Variants in SGCD observed in about 807,000 individuals in gnomAD.
SGCD encodes the protein sarcoglycan delta, also known as delta-sarcoglycan.
A neutral mutation model predicts 36.6 loss-of-function variants in SGCD; 18 were observed. The observed-to-expected ratio is 0.49, with a 90% CI of 0.34 to 0.73. The LOEUF (loss-of-function observed/expected upper bound fraction) is 0.73, where lower values mean the gene tolerates loss of function less well. Among genes scored for constraint, SGCD ranks in the 30% least tolerant of loss-of-function variants. SGCD has a pLI of 0.01. For missense variants in SGCD, 387 were observed against 346.7 expected (o/e 1.12, Z -0.92); for synonymous variants, 133 against 130.6 (o/e 1.02, Z -0.12).
At chr5:156,068,061 C>G (rs1760388220) in intron 1 of SGCD, among the ~76,000 whole-genome samples, 1 of 151,842 alleles carries the variant, frequency 6.6e-6, no homozygotes, top group South Asian at 2.1e-4. Flanking sequence ...ACCTTCCTCT[C>G]TACCTGCAGT....
At chr5:156,138,465 G>A (rs967237522) in intron 3 of SGCD, among the ~76,000 whole-genome samples, 4 of 152,146 alleles carry the variant, frequency 2.6e-5, no homozygotes, top group African/African-American at 9.7e-5. Context: ...ATATTCTATT[G>A]TTTCTGGCTT....
intron 3 of SGCD, among the ~76,000 whole-genome samples, chr5:156,482,287 A>G (rs897477650): frequency 1.1e-4 from 16 of 152,144 alleles, no homozygotes; most frequent in East Asian, 1.9e-4. Context: ...AACTGCTAAC[A>G]TATAGAAGAT....
chr5:156,121,196 A>G (rs796217346), intron 2 of SGCD, among the ~76,000 whole-genome samples: 3 of 152,272 alleles, frequency 2.0e-5, no homozygotes, highest in African/African-American at 7.2e-5. Flanking sequence ...AGGTAGATAC[A>G]TTTATGAAAT....
At chr5:156,407,000 C>A (rs1415936532) in intron 3 of SGCD, among the ~76,000 whole-genome samples, 1 of 151,678 alleles carries the variant, frequency 6.6e-6, no homozygotes, top group Non-Finnish European at 1.5e-5. Context: ...AAGCATCCAG[C>A]ACGAGAGAAA....
chr5:156,092,927 G>A, intron 1 of SGCD, among the ~76,000 whole-genome samples: 1 of 152,224 alleles, frequency 6.6e-6, no homozygotes, highest in East Asian at 1.9e-4. Flanking sequence ...CTTCTGTTGT[G>A]TTAAGAACTG....
chr5:156,044,447 G>A (rs1459140475), intron 1 of SGCD, among the ~76,000 whole-genome samples: 1 of 152,186 alleles, frequency 6.6e-6, no homozygotes, highest in African/African-American at 2.4e-5. Flanking sequence ...ATTTGAATTA[G>A]TTGGATTGAA....
chr5:156,076,051 G>A (rs1185982953), intron 1 of SGCD, among the ~76,000 whole-genome samples: 1 of 151,800 alleles, frequency 6.6e-6, no homozygotes, highest in Non-Finnish European at 1.5e-5. Context: ...ACTTATTTTG[G>A]ATTTGGGTCT....
chr5:156,460,449 G>T (rs551988702), intron 3 of SGCD, among the ~76,000 whole-genome samples: 1 of 152,270 alleles, frequency 6.6e-6, no homozygotes, highest in African/African-American at 2.4e-5. Flanking sequence ...CACTGCAATA[G>T]AATTCATAAA....
intron 1 of SGCD, among the ~76,000 whole-genome samples, chr5:156,056,555 A>G (rs1258779222): frequency 1.4e-5 from 2 of 142,712 alleles, no homozygotes; most frequent in African/African-American, 5.0e-5. Flanking sequence ...GAAGACAGCA[A>G]GAAGAACACA....
chr5:156,244,950 A>T (rs1765404906), intron 3 of SGCD, among the ~76,000 whole-genome samples: 2 of 152,256 alleles, frequency 1.3e-5, no homozygotes, highest in Admixed American at 1.3e-4. Flanking sequence ...ACATCATATC[A>T]TTGGTAAACA....
chr5:156,091,829 G>T (rs921970818), intron 1 of SGCD, among the ~76,000 whole-genome samples: 1 of 152,228 alleles, frequency 6.6e-6, no homozygotes, highest in African/African-American at 2.4e-5. Flanking sequence ...GTGACCAATT[G>T]TCCCAGGCTA....
intron 1 of SGCD, among the ~76,000 whole-genome samples, chr5:155,915,556 A>G (rs1756718130): frequency 6.6e-6 from 1 of 152,214 alleles, no homozygotes; most frequent in East Asian, 1.9e-4. Context: ...AAATGTCTAC[A>G]AAACATAGCA....
chr5:156,332,490 ATT>A (rs1768117314), intron 2 of SGCD, among the ~76,000 whole-genome samples: 1 of 152,056 alleles, frequency 6.6e-6, no homozygotes, highest in Non-Finnish European at 1.5e-5. Flanking sequence ...TGTCTGCTCT[ATT>A]TTTCTAGAGT....
the SGCD span, among the ~76,000 whole-genome samples, chr5:155,766,607 T>C: frequency 2.6e-5 from 4 of 152,152 alleles, no homozygotes; most frequent in Admixed American, 2.0e-4. Flanking sequence ...GTAGAGCTAA[T>C]AAAAAATAAA....
chr5:156,189,768 A>G (rs1055973159), intron 3 of SGCD, among the ~76,000 whole-genome samples: 3 of 152,190 alleles, frequency 2.0e-5, no homozygotes, highest in African/African-American at 7.2e-5. Flanking sequence ...TACAAACAGA[A>G]GAACATATCA....
At chr5:156,686,070 C>T (rs1753893966) in intron 7 of SGCD, among the ~76,000 whole-genome samples, 1 of 152,122 alleles carries the variant, frequency 6.6e-6, no homozygotes, top group African/African-American at 2.4e-5. Flanking sequence ...TTTACTCTTC[C>T]ATGAATTACT....
intron 1 of SGCD, among the ~76,000 whole-genome samples, chr5:155,921,793 A>G (rs1412034307): frequency 6.6e-6 from 1 of 152,198 alleles, no homozygotes; most frequent in African/African-American, 2.4e-5. Context: ...TGACACATAG[A>G]AACCCTCTCT....
intron 1 of SGCD, among the ~76,000 whole-genome samples, chr5:155,982,270 A>G (rs891808585): frequency 1.3e-5 from 2 of 152,196 alleles, no homozygotes; most frequent in African/African-American, 4.8e-5. Flanking sequence ...CTTTTCCCTG[A>G]TAAGTATTGC....
Position 156,391,000 on chromosome 5 carries a change from T to G in SGCD, c.192+46323T>G, listed in dbSNP as rs773733882. Among the ~76,000 whole-genome samples, 11 of 152,224 alleles carry G rather than the reference T, an allele frequency of 7.2e-5. No individual in the cohort carries two copies. In the South Asian group the frequency reaches 1.4e-3, roughly 20 times the overall value. On this transcript the variant is annotated intron_variant, in intron 3 of 8. Transcript: ENST00000337851. The stretch of plus-strand genomic sequence containing the variant: ...ACCGTTTTTATAAAGTCTACAGTAG[T>G]GTTCAGCAATATCCTAGGCTCTCAC...
Sources: allele counts gnomAD v4.1 joint callset (sites outside exome capture counted in the v4.1 genomes callset), GRCh38; gene constraint gnomAD v4.1.1; transcripts MANE v1.5; gene names NCBI Gene and HGNC (gene_info 2026-07-23, HGNC 2026-07-21).